The following SLC5A12 variants were observed in gnomAD, a reference collection of about 807,000 sequenced individuals.
The protein encoded by SLC5A12 is solute carrier family 5 member 12.
A neutral mutation model predicts 72.7 loss-of-function variants in SLC5A12; 46 were observed. The ratio of observed to expected loss-of-function variants is 0.63; its 90% CI spans 0.50 to 0.81. The LOEUF is 0.81. Among genes scored for constraint, SLC5A12 ranks in the 30% least tolerant of loss-of-function variants. SLC5A12 has a pLI of 0.00. For synonymous variants in SLC5A12, 275 were observed against 264.4 expected (o/e 1.04, Z -0.39); for missense variants, 683 against 740.7 (o/e 0.92, Z 0.90).
chr11:26,683,665 A>C lies in SLC5A12; in HGVS notation c.1308+92T>G, dbSNP rs1854458937. The C allele has an allele frequency of 5.8e-6, 6 of 1,027,268 alleles. No homozygotes were observed. In the Admixed American group the frequency reaches 1.3e-4, roughly 22 times the overall value. The allele number at this position is 1,027,268 out of a possible 1,614,324, so 63.6% of individuals were successfully genotyped here. A position where few individuals can be genotyped will look rare whatever the true frequency, so the allele number is the denominator to read the frequency against. On this transcript the variant is annotated intron_variant, in intron 11 of 14. Coordinates refer to ENST00000396005, the MANE Select transcript of SLC5A12 (RefSeq NM_178498.4). ...TGTGGATTCTTTTCCTGGCTAAGAC[A>C]GATAGCTTTTCTAAACAGGGCTGAG...
chr11:26,693,688 C>A (rs1390188993), intron 8 of SLC5A12, among the ~76,000 whole-genome samples: 2 of 152,142 alleles, frequency 1.3e-5, no homozygotes, highest in East Asian at 1.9e-4. Flanking sequence ...AGATGTCTAG[C>A]AATTTGTAAG....
rs113170000 is a variant in SLC5A12 at position 26,721,297 on chromosome 11, G to A, written c.339+79C>T. ...ATGTGTAATTATCCTGAAAATCAGT[G>A]AGTGTTCTTCAACTACCAGGTGCTA... On this transcript the variant is annotated intron_variant, in intron 1 of 14. Coordinates refer to ENST00000396005, the MANE Select transcript of SLC5A12 (RefSeq NM_178498.4). 1.6e-3 allele frequency: 1,627 copies of A among 1,037,218 alleles called. 15 individuals carry two copies. The African/African-American group carries it at 0.023, about 15-fold the overall frequency. 64.3% of individuals were successfully genotyped at this position (1,037,218 alleles called of 1,614,324 possible). A position where few individuals can be genotyped will look rare whatever the true frequency, so the allele number is the denominator to read the frequency against.
chr11:26,699,511 TAGA>T (rs944174890), intron 6 of SLC5A12, among the ~76,000 whole-genome samples: 6 of 152,340 alleles, frequency 3.9e-5, no homozygotes, highest in South Asian at 2.1e-4. Flanking sequence ...CCTCACAGTT[TAGA>T]AGAAGTTTTT....
intron 9 of SLC5A12, among the ~76,000 whole-genome samples, chr11:26,689,270 C>T (rs773523371): frequency 6.6e-6 from 1 of 151,928 alleles, no homozygotes; most frequent in Non-Finnish European, 1.5e-5. Context: ...TCGTGGCATG[C>T]GCCTGTAGTC....
At chr11:26,695,558 A>G (rs1854789293) in intron 8 of SLC5A12, among the ~76,000 whole-genome samples, 1 of 152,230 alleles carries the variant, frequency 6.6e-6, no homozygotes, top group Non-Finnish European at 1.5e-5. Flanking sequence ...AAACATTAAT[A>G]TAAATTAAAA....
chr11:26,703,962 A>G lies in SLC5A12; in HGVS notation c.526-15T>C, dbSNP rs749146031. On this transcript the variant is annotated splice_polypyrimidine_tract_variant and intron_variant, in intron 4 of 14. Transcript: ENST00000396005. ...TTTAATCCTCCCTGAAATAGAGAGA[A>G]TGTTTGAGTCCTTGAAAACAAACCC... 1 of 1,613,126 alleles carries G rather than the reference A, an allele frequency of 6.2e-7. No homozygotes were observed. The highest frequency in any genetic ancestry group is 8.5e-7 in the Non-Finnish European group (1 of 1,179,392).
intron 9 of SLC5A12, among the ~76,000 whole-genome samples, chr11:26,687,158 C>T (rs1217477687): frequency 1.3e-5 from 2 of 152,108 alleles, no homozygotes; most frequent in Non-Finnish European, 2.9e-5. Context: ...ATCATGAAAG[C>T]TCGCTAAATG....
chr11:26,671,219 C>T lies in SLC5A12; in HGVS notation c.1740G>A (p.Gln580=). Residue 580 remains glutamine (Q), a synonymous_variant, in exon 15 of 15, where the codon CAG becomes CAA. Coordinates refer to ENST00000396005, the MANE Select transcript of SLC5A12 (RefSeq NM_178498.4). ...CGTTCTGTAAGACAGATTCAGCCCC[C>T]TGTTTCCGGGCACTGCCATTCTCAA... The part of the protein sequence containing the change: ...ENLENGSARK[Q]GAESVLQNGL... 6.2e-7 allele frequency: 1 copy of T among 1,605,480 alleles called. No homozygotes were observed. The highest frequency in any genetic ancestry group is 8.5e-7 in the Non-Finnish European group (1 of 1,176,162).
intron 6 of SLC5A12, 49 bp from the exon 7 acceptor site, chr11:26,698,584 C>G (rs1267188271): frequency 6.3e-7 from 1 of 1,599,064 alleles, no homozygotes. Context: ...CCATATCATA[C>G]TGTGGTGAGG....
chr11:26,686,869 A>T lies in SLC5A12; in HGVS notation c.1154-325T>A, dbSNP rs573694381. Among the ~76,000 whole-genome samples, 11 of 152,332 alleles carry T rather than the reference A, an allele frequency of 7.2e-5. No individual in the cohort carries two copies. In the South Asian group the frequency reaches 2.3e-3, roughly 32 times the overall value. On this transcript the variant is annotated intron_variant, in intron 9 of 14. Transcript: ENST00000396005. ...GTGGGAGAGGTCCAGACTAATCTAG[A>T]CAAAATTAGTGGAAATTAATTCCTG...
chr11:26,668,212 A>G lies in SLC5A12; in HGVS notation c.*2890T>C, dbSNP rs1854044777. On this transcript the variant is annotated 3_prime_UTR_variant, in exon 15 of 15. Coordinates refer to ENST00000396005, the MANE Select transcript of SLC5A12 (RefSeq NM_178498.4). ...GTAGTTCTTATTCCAAATGGTGACA[A>G]AAAATGTCTGTCATCAAAATGAATT... 1 of 152,062 alleles carries G rather than the reference A, an allele frequency of 6.6e-6. No individual in the cohort carries two copies. The highest frequency in any genetic ancestry group is 1.5e-5 in the Non-Finnish European group (1 of 67,984). 9.4% of individuals were successfully genotyped at this position (152,062 alleles called of 1,614,324 possible).
chr11:26,709,412 T>C, intron 3 of SLC5A12, 33 bp from the exon 4 acceptor site: 1 of 1,549,214 alleles, frequency 6.5e-7, no homozygotes, highest in Non-Finnish European at 8.8e-7. Flanking sequence ...TAAAAGAAGT[T>C]TCCTTCAAAA....
chr11:26,691,888 C>T (rs1366194460), intron 9 of SLC5A12: 1 of 152,156 alleles, frequency 6.6e-6, no homozygotes, highest in African/African-American at 2.4e-5. Flanking sequence ...TAATAAGGAA[C>T]AATTCTTTAG....
intron 13 of SLC5A12, among the ~76,000 whole-genome samples, chr11:26,675,671 A>T (rs11029670): frequency 0.047 from 7,092 of 152,198 alleles, 528 homozygotes; most frequent in African/African-American, 0.16. Context: ...GGTTTTGAGG[A>T]AAGTTCCCCT....
chr11:26,691,541 C>T (rs915079279), intron 9 of SLC5A12: 1 of 151,390 alleles, frequency 6.6e-6, no homozygotes, highest in East Asian at 1.9e-4. Context: ...GCAAAGAAGC[C>T]ATTTGATAGA....
At chr11:26,722,464 T>C (rs752142088), upstream of SLC5A12, among the ~76,000 whole-genome samples, 30 of 152,344 alleles carry the variant, frequency 2.0e-4, no homozygotes, top group Admixed American at 3.9e-4. Flanking sequence ...ACTCTCTTTG[T>C]CTTGATCTGT....
chr11:26,683,809 G>T lies in SLC5A12; in HGVS notation c.1256C>A (p.Pro419Gln), dbSNP rs1854463848. 6.3e-7 allele frequency: 1 copy of T among 1,598,914 alleles called. No individual in the cohort carries two copies. Among genetic ancestry groups the T allele is most frequent in the Non-Finnish European group, 8.5e-7 (1 of 1,173,246 alleles). The change falls in exon 11 of 15, where the codon CCA becomes CAA. Residue 419 changes from proline (P) to glutamine (Q), a missense_variant. Pro to Gln is a moderately conservative substitution (Grantham distance 76, BLOSUM62 -1). Transcript: ENST00000396005. ...TCCCAGGGAGAATAAGCCCAGCATTGGTCCTCCACACATGCCGTGAATGCT... is the reference window on the plus strand; with the variant it reads ...TCCCAGGGAGAATAAGCCCAGCATTTGTCCTCCACACATGCCGTGAATGCT... Reference protein sequence around the residue: ...SLSIHGMCGGPMLGLFSLGIV... With the variant: ...SLSIHGMCGGQMLGLFSLGIV...
intron 1 of SLC5A12, among the ~76,000 whole-genome samples, chr11:26,716,511 T>G (rs894534538): frequency 6.6e-6 from 1 of 152,210 alleles, no homozygotes; most frequent in African/African-American, 2.4e-5. Flanking sequence ...AACAGAGAAG[T>G]TGCATGCTTC....
intron 14 of SLC5A12, among the ~76,000 whole-genome samples, chr11:26,672,660 C>A (rs1484816231): frequency 6.6e-6 from 1 of 152,098 alleles, no homozygotes; most frequent in African/African-American, 2.4e-5. Flanking sequence ...CTCTGAAGTA[C>A]CCCACCTTGC....
Sources: gnomAD v4.1 joint callset for allele counts (sites outside exome capture counted in the v4.1 genomes callset) on GRCh38, gnomAD v4.1.1 for gene constraint, MANE v1.5 for transcripts, NCBI Gene and HGNC (gene_info 2026-07-23, HGNC 2026-07-21) for gene names.